Variants in PRR16 observed in about 807,000 individuals in gnomAD.
The protein encoded by PRR16 is protein Largen.
Under a neutral mutation model 18.2 loss-of-function variants are expected in PRR16, and 6 were observed. That is an observed-to-expected ratio of 0.33 (90% confidence interval 0.18 to 0.65). PRR16 has a LOEUF of 0.65. Among genes scored for constraint, PRR16 ranks in the 30% least tolerant of loss-of-function variants. The pLI is 0.74. For synonymous variants in PRR16, 151 were observed against 147.8 expected (o/e 1.02, Z -0.16); for missense variants, 412 against 376.6 (o/e 1.09, Z -0.78).
At chr5:120,507,739 A>AT (rs923260961) in intron 1 of PRR16, among the ~76,000 whole-genome samples, 45 of 151,880 alleles carry the variant, frequency 3.0e-4, no homozygotes, top group African/African-American at 9.2e-4. Context: ...CTAGTTAACC[A>AT]TTTTTTTTAA....
At chr5:120,633,153 T>A (rs1195866809) in intron 1 of PRR16, among the ~76,000 whole-genome samples, 2 of 152,112 alleles carry the variant, frequency 1.3e-5, no homozygotes, top group Admixed American at 1.3e-4. Context: ...AAAAGAAAGA[T>A]ACAGTTTTTT....
the PRR16 span, among the ~76,000 whole-genome samples, chr5:120,758,368 A>C: frequency 1.3e-5 from 2 of 149,996 alleles, no homozygotes; most frequent in African/African-American, 2.4e-5. Context: ...AATTTCATTT[A>C]GATGTTATCA....
chr5:120,589,574 G>A (rs1461150239), intron 1 of PRR16, among the ~76,000 whole-genome samples: 1 of 152,096 alleles, frequency 6.6e-6, no homozygotes, highest in Non-Finnish European at 1.5e-5. Context: ...TGAACTTACA[G>A]TTCCAAATGG....
the PRR16 span, among the ~76,000 whole-genome samples, chr5:120,696,661 T>C: frequency 6.6e-6 from 1 of 152,150 alleles, no homozygotes. Context: ...TGCTACAAAG[T>C]GGTGTGTTAG....
chr5:120,652,142 A>G (rs1038981656), intron 1 of PRR16, among the ~76,000 whole-genome samples: 1 of 152,072 alleles, frequency 6.6e-6, no homozygotes, highest in Non-Finnish European at 1.5e-5. Flanking sequence ...GACTGTTTCT[A>G]TGGATGTACA....
At chr5:120,650,583 G>C (rs150654495) in intron 1 of PRR16, among the ~76,000 whole-genome samples, 56,671 of 150,650 alleles carry the variant, frequency 0.38, 12,321 homozygotes, top group Middle Eastern at 0.55. Flanking sequence ...GTGTTGTTTG[G>C]TTTTTTGTCC....
At chr5:120,581,435 T>C (rs762170756) in intron 1 of PRR16, among the ~76,000 whole-genome samples, 2 of 152,164 alleles carry the variant, frequency 1.3e-5, no homozygotes, top group Non-Finnish European at 2.9e-5. Flanking sequence ...TAGCTAGCAG[T>C]CTATCTATTT....
intron 1 of PRR16, among the ~76,000 whole-genome samples, chr5:120,553,115 G>T (rs1349682416): frequency 2.0e-4 from 30 of 151,768 alleles, no homozygotes. Flanking sequence ...AATTCTACAT[G>T]GATTTATTAA....
chr5:120,521,760 G>A (rs1047733974), intron 1 of PRR16, among the ~76,000 whole-genome samples: 5 of 152,026 alleles, frequency 3.3e-5, no homozygotes, highest in African/African-American at 9.7e-5. Context: ...CCATGTTGGT[G>A]TGCTGCACCC....
chr5:120,647,393 TA>T (rs141579522), intron 1 of PRR16, among the ~76,000 whole-genome samples: 15,374 of 148,784 alleles, frequency 0.1, 1,034 homozygotes, highest in South Asian at 0.14. Flanking sequence ...TTAAGAGATT[TA>T]AAAAAAAAAG....
At chr5:120,729,835 A>T in the PRR16 span, among the ~76,000 whole-genome samples, 1 of 152,108 alleles carries the variant, frequency 6.6e-6, no homozygotes, top group East Asian at 1.9e-4. Flanking sequence ...GTGAAGGTTA[A>T]GATGGGGAAA....
At chr5:120,599,174 A>G (rs1347320631) in intron 1 of PRR16, among the ~76,000 whole-genome samples, 1 of 151,634 alleles carries the variant, frequency 6.6e-6, no homozygotes, top group Non-Finnish European at 1.5e-5. Flanking sequence ...AAAACTTTCT[A>G]TGCTATGCTT....
chr5:120,676,806 A>C (rs531495779), intron 1 of PRR16, among the ~76,000 whole-genome samples: 2 of 152,258 alleles, frequency 1.3e-5, no homozygotes, highest in Admixed American at 1.3e-4. Flanking sequence ...ATGCAGTTCT[A>C]GTCTTCCCTT....
At chr5:120,637,506 C>A (rs1339579125) in intron 1 of PRR16, among the ~76,000 whole-genome samples, 4 of 151,856 alleles carry the variant, frequency 2.6e-5, no homozygotes, top group African/African-American at 9.7e-5. Flanking sequence ...CTCACAGTAA[C>A]CTGAATGGAA....
chr5:120,719,045 G>C, the PRR16 span, among the ~76,000 whole-genome samples: 1 of 152,048 alleles, frequency 6.6e-6, no homozygotes, highest in South Asian at 2.1e-4. Context: ...AATGAATGCT[G>C]TTTGGGCAAT....
intron 1 of PRR16, among the ~76,000 whole-genome samples, chr5:120,601,218 A>G (rs1283172774): frequency 6.6e-6 from 1 of 152,004 alleles, no homozygotes; most frequent in Admixed American, 6.6e-5. Flanking sequence ...CCTCTTCTTC[A>G]CAACCATGCC....
chr5:120,660,648 T>A (rs1019105505), intron 1 of PRR16, among the ~76,000 whole-genome samples: 14 of 152,038 alleles, frequency 9.2e-5, no homozygotes, highest in African/African-American at 3.4e-4. Context: ...AACCCCTGAT[T>A]CCCTTGCTGT....
At chr5:120,554,519 G>A (rs1561543671) in intron 1 of PRR16, among the ~76,000 whole-genome samples, 2 of 151,942 alleles carry the variant, frequency 1.3e-5, no homozygotes, top group South Asian at 4.1e-4. Context: ...GGAAGAAAAG[G>A]TAACAATAAA....
chr5:120,629,684 A>G (rs1302642271), intron 1 of PRR16, among the ~76,000 whole-genome samples: 1 of 152,040 alleles, frequency 6.6e-6, no homozygotes, highest in Non-Finnish European at 1.5e-5. Context: ...CTCAGTTTTC[A>G]TATTCTTAAA....
Sources: allele counts gnomAD v4.1 joint callset (sites outside exome capture counted in the v4.1 genomes callset), GRCh38; gene constraint gnomAD v4.1.1; transcripts MANE v1.5; gene names NCBI Gene and HGNC (gene_info 2026-07-23, HGNC 2026-07-21).